The following FRY variants were observed in gnomAD, a reference collection of about 807,000 sequenced individuals.
FRY encodes the protein FRY microtubule binding protein.
In FRY, 128 loss-of-function variants were observed where a neutral mutation model predicts 348.4. That is an observed-to-expected ratio of 0.37 (90% CI 0.32 to 0.43). FRY has a LOEUF of 0.43. FRY is among the 20% of genes least tolerant of loss of function. FRY has a pLI of 1.00. For synonymous variants in FRY, 1,370 were observed against 1,374.7 expected, an observed-to-expected ratio of 1.00 and a Z score of 0.08; for missense variants, 2,736 against 3,695.2, an observed-to-expected ratio of 0.74 and a Z score of 6.73.
Position 32,140,705 on chromosome 13 carries a change from G to A in FRY, c.1179+3733G>A, listed in dbSNP as rs1382025999. Among the ~76,000 whole-genome samples, 11 of 152,186 alleles carry A rather than the reference G, an allele frequency of 7.2e-5. No homozygotes were observed. In the East Asian group the frequency reaches 2.1e-3, roughly 29 times the overall value. Reference sequence around the variant, plus strand: ...CAAGGGAGGTACAAGCAGGGTATTTGATTTCCAGAAAAATCTCAAAACAAG... The same window carrying A: ...CAAGGGAGGTACAAGCAGGGTATTTAATTTCCAGAAAAATCTCAAAACAAG... On this transcript the variant is annotated intron_variant, in intron 11 of 60. Transcript: ENST00000542859.
Position 32,257,895 on chromosome 13 carries a change from G to C in FRY, c.7416+3501G>C. 3.1e-6 allele frequency: 4 copies of C among 1,309,626 alleles called. No homozygotes were observed. The Middle Eastern group carries it at 5.5e-4, about 180-fold the overall frequency. 81.1% of individuals were successfully genotyped at this position (1,309,626 alleles called of 1,614,324 possible). A position where few individuals can be genotyped will look rare whatever the true frequency, so the allele number is the denominator to read the frequency against. ...TTAACACTAAGAGAAATGTTCTTGA[G>C]TATCTTTAATATAATCATTGTAAAT... On this transcript the variant is annotated intron_variant, in intron 51 of 60. Coordinates refer to ENST00000542859, the MANE Select transcript of FRY (RefSeq NM_023037.3).
intron 13 of FRY, among the ~76,000 whole-genome samples, chr13:32,149,454 T>C (rs1311236954): frequency 2.8e-5 from 2 of 72,170 alleles, no homozygotes; most frequent in Non-Finnish European, 5.0e-5. Flanking sequence ...AAGTGTTTGG[T>C]TATTTGATTT....
intron 35 of FRY, 83 bp downstream of exon 35, chr13:32,212,465 T>G (rs1350287112): frequency 1.2e-6 from 1 of 867,834 alleles, no homozygotes; most frequent in Non-Finnish European, 1.9e-6. Context: ...TTTGTGGAGT[T>G]TCATAAATTT....
At chr13:32,134,872 C>T (rs753040269) in intron 8 of FRY, 32 bp from the exon 9 acceptor site, 4 of 1,310,148 alleles carry the variant, frequency 3.1e-6, no homozygotes, top group Non-Finnish European at 4.4e-6. Context: ...TCAACCTACT[C>T]TCCCTCCCTA....
intron 21 of FRY, 26 bp from the exon 22 acceptor site, chr13:32,178,818 T>C (rs761462028): frequency 2.6e-5 from 39 of 1,527,336 alleles, no homozygotes; most frequent in Non-Finnish European, 3.5e-5. Flanking sequence ...TTAGTTTCAC[T>C]CTTGTTTTCG....
chr13:32,231,824 G>A (rs1335571601), intron 41 of FRY, among the ~76,000 whole-genome samples: 1 of 152,182 alleles, frequency 6.6e-6, no homozygotes, highest in East Asian at 1.9e-4. Context: ...AATTCCTTCA[G>A]GTCCAAGTTG....
intron 1 of FRY, among the ~76,000 whole-genome samples, chr13:32,037,512 A>G (rs574187852): frequency 1.3e-5 from 2 of 152,190 alleles, no homozygotes; most frequent in Non-Finnish European, 2.9e-5. Context: ...AAAATCATGT[A>G]CAGGACTGGC....
intron 5 of FRY, 91 bp downstream of exon 5, chr13:32,124,467 C>A: frequency 1.1e-6 from 1 of 893,488 alleles, no homozygotes; most frequent in Non-Finnish European, 1.8e-6. Flanking sequence ...AAAATTATTT[C>A]TGAATTCCAA....
At chr13:32,148,343 T>C (rs1297722639) in intron 13 of FRY, among the ~76,000 whole-genome samples, 1 of 152,150 alleles carries the variant, frequency 6.6e-6, no homozygotes, top group Admixed American at 6.5e-5. Context: ...TTAGCAAAAT[T>C]TGAGGAATAA....
intron 1 of FRY, among the ~76,000 whole-genome samples, chr13:32,049,488 G>A (rs570203209): frequency 1.3e-5 from 2 of 152,182 alleles, no homozygotes; most frequent in Non-Finnish European, 2.9e-5. Context: ...CGGCTGGAGT[G>A]CAGTGGCACG....
intron 1 of FRY, among the ~76,000 whole-genome samples, chr13:32,063,917 C>G (rs1320003156): frequency 1.3e-5 from 2 of 152,182 alleles, no homozygotes; most frequent in Non-Finnish European, 2.9e-5. Flanking sequence ...AAGCTGGAGA[C>G]AATGCATGAC....
In FRY at chr13:32,178,349, T is replaced by TA. The variant is rs1305588909; in HGVS notation, c.2595dup (p.Pro866ThrfsTer30). On this transcript the variant is annotated frameshift_variant, in exon 21 of 61. Transcript: ENST00000542859. LOFTEE classifies it high-confidence loss of function. The stretch of plus-strand genomic sequence containing the variant: ...TTCAGCTTCCTCCGGCAGGAGAACT[T>TA]ACCCAAGCACTGCCCCACAGCCCTC... 1 of 1,614,174 alleles carries TA rather than the reference T, an allele frequency of 6.2e-7. No individual in the cohort carries two copies. The highest frequency in any genetic ancestry group is 8.5e-7 in the Non-Finnish European group (1 of 1,179,996).
At chr13:32,080,032 A>G (rs1039609444) in intron 2 of FRY, among the ~76,000 whole-genome samples, 1 of 152,254 alleles carries the variant, frequency 6.6e-6, no homozygotes, top group Non-Finnish European at 1.5e-5. Context: ...GAATTACAAC[A>G]TAAGGTTTGG....
chr13:32,146,053 T>C (rs925426132), intron 11 of FRY, among the ~76,000 whole-genome samples: 1 of 152,156 alleles, frequency 6.6e-6, no homozygotes, highest in African/African-American at 2.4e-5. Flanking sequence ...CTCCTTCACC[T>C]GGCCTTGCAC....
chr13:32,096,377 G>A lies in FRY; in HGVS notation c.271-5586G>A, dbSNP rs531712275. ...TACAACATGGTGGGAATGCTAACAA[G>A]AATAGGTGCAAATAATGTACTGTGT... On this transcript the variant is annotated intron_variant, in intron 2 of 60. Transcript: ENST00000542859. 4.0e-5 allele frequency among the ~76,000 whole-genome samples: 6 copies of A among 151,372 alleles called. No homozygotes were observed. The East Asian group carries it at 1.2e-3, about 29-fold the overall frequency.
chr13:32,147,347 G>T lies in FRY; in HGVS notation c.1245G>T (p.Met415Ile). 6.2e-7 allele frequency: 1 copy of T among 1,611,798 alleles called. No homozygotes were observed. Among genetic ancestry groups the T allele is most frequent in the South Asian group, 1.1e-5 (1 of 90,998 alleles). The change falls in exon 12 of 61, where the codon ATG becomes ATT. Residue 415 changes from methionine to isoleucine, a missense_variant. Met to Ile is a conservative substitution (Grantham distance 10). Around this residue, in one of 9 missense-constraint regions of FRY, gnomAD observed 191 missense variants for 370.2 expected, o/e 0.52. Transcript: ENST00000542859. ...TCTACAGATTACTTTGGGTTTACAT[G>T]ATTCGAATTAAATGTGAAAGCAACA... ...ESLYRLLWVY[M>I]IRIKCESNTA...
In FRY at chr13:32,239,205, A is replaced by G; in HGVS notation, c.6419-47A>G. On this transcript the variant is annotated intron_variant, in intron 44 of 60. Coordinates refer to ENST00000542859, the MANE Select transcript of FRY (RefSeq NM_023037.3). This position sits in a 1 kb window ranked among gnomAD's most constrained non-coding sequence, Gnocchi z 4.3. ...ACATGCCTTCCCACTGTTAACAGCT[A>G]AAATATACCATATTCAGCTATCTCC... is the stretch of plus-strand genomic sequence containing the variant. 8.5e-7 allele frequency: 1 copy of G among 1,181,382 alleles called. No individual in the cohort carries two copies. Among genetic ancestry groups the G allele is most frequent in the Non-Finnish European group, 1.3e-6 (1 of 786,744 alleles). The allele number at this position is 1,181,382 out of a possible 1,614,324, so 73.2% of individuals were successfully genotyped here.
chr13:32,106,698 G>C (rs1877571796), intron 3 of FRY, among the ~76,000 whole-genome samples: 1 of 152,148 alleles, frequency 6.6e-6, no homozygotes, highest in African/African-American at 2.4e-5. Context: ...GCCACATCTA[G>C]CTATAAGAAA....
intron 58 of FRY, among the ~76,000 whole-genome samples, chr13:32,283,018 G>A (rs1888886628): frequency 6.6e-6 from 1 of 151,944 alleles, no homozygotes; most frequent in South Asian, 2.1e-4. Flanking sequence ...GTGGGTGCCT[G>A]TAATCCCAGC....
Sources: allele counts gnomAD v4.1 joint callset (sites outside exome capture counted in the v4.1 genomes callset), GRCh38; gene constraint gnomAD v4.1.1; regional missense constraint gnomAD v4.1.1; non-coding constraint Gnocchi (gnomAD v3.1); transcripts MANE v1.5; gene names NCBI Gene and HGNC (gene_info 2026-07-23, HGNC 2026-07-21).